RTN4R: variants seen among roughly 807,000 people sequenced by gnomAD.
RTN4R encodes reticulon 4 receptor.
A neutral mutation model predicts 27.7 loss-of-function variants in RTN4R; 4 were observed. The ratio of observed to expected loss-of-function variants is 0.14; its 90% CI spans 0.07 to 0.33. The LOEUF (loss-of-function observed/expected upper bound fraction) is 0.33. RTN4R is among the 10% of genes least tolerant of loss of function. RTN4R has a pLI of 1.00. For missense variants in RTN4R, 554 were observed against 671.5 expected, an observed-to-expected ratio of 0.83 and a Z score of 1.93; for synonymous variants, 290 against 305.6, an observed-to-expected ratio of 0.95 and a Z score of 0.53.
At chr22:20,261,064 G>A (rs560502578) in intron 1 of RTN4R, among the ~76,000 whole-genome samples, 25 of 152,298 alleles carry the variant, frequency 1.6e-4, no homozygotes, top group Non-Finnish European at 1.0e-4. Flanking sequence ...GGACCCTCAC[G>A]GCAGAAGGAC....
chr22:20,259,062 T>TGGAGTCCCTGGCTATGAC (rs922099959), intron 1 of RTN4R, among the ~76,000 whole-genome samples: 3 of 152,130 alleles, frequency 2.0e-5, no homozygotes, highest in African/African-American at 7.2e-5. Flanking sequence ...CACTTGTCCC[T>TGGAGTCCCTGGCTATGAC]GGAGTCCCTG....
At position 20,242,590 on chromosome 22, in the gene RTN4R, T is replaced by G. The variant is rs1452295510; in HGVS notation, c.543A>C (p.Thr181=). The G allele has an allele frequency of 6.2e-7, 1 of 1,602,094 alleles. No homozygotes were observed. Residue 181 remains threonine (T), a synonymous_variant, in exon 2 of 2, where the codon ACA becomes ACC. Transcript: ENST00000043402. ...TGCGGTTGCCGTGCAGGAAGAGGTGTGTGAGGTTGCCCAGGTCGCGGAAGG... is the reference window on the plus strand; with the variant it reads ...TGCGGTTGCCGTGCAGGAAGAGGTGGGTGAGGTTGCCCAGGTCGCGGAAGG... ...DDTFRDLGNL[T]HLFLHGNRIS...
At chr22:20,264,327 C>T (rs148274245) in intron 1 of RTN4R, among the ~76,000 whole-genome samples, 9 of 152,172 alleles carry the variant, frequency 5.9e-5, no homozygotes, top group South Asian at 4.1e-4. Context: ...TAAAATACAG[C>T]GATAAAAGAA....
intron 1 of RTN4R, among the ~76,000 whole-genome samples, chr22:20,256,001 TC>T (rs2051210187): frequency 2.0e-5 from 3 of 152,262 alleles, no homozygotes; most frequent in Non-Finnish European, 4.4e-5. Context: ...TGATAACTCT[TC>T]CTTATTTGAA....
At chr22:20,249,596 G>C (rs191109941) in intron 1 of RTN4R, among the ~76,000 whole-genome samples, 1 of 152,160 alleles carries the variant, frequency 6.6e-6, no homozygotes, top group South Asian at 2.1e-4. Context: ...CGTGCATACC[G>C]GAAACACACA....
chr22:20,262,752 C>T (rs1197650075), intron 1 of RTN4R, among the ~76,000 whole-genome samples: 2 of 152,226 alleles, frequency 1.3e-5, no homozygotes, highest in Non-Finnish European at 2.9e-5. Flanking sequence ...CTACGGTGAC[C>T]AGGAAGGGTG....
chr22:20,253,271 G>A (rs1003976361), intron 1 of RTN4R, among the ~76,000 whole-genome samples: 1 of 152,214 alleles, frequency 6.6e-6, no homozygotes, highest in Non-Finnish European at 1.5e-5. Flanking sequence ...GGACAGGCCT[G>A]GTGCAGCCTG....
rs757507039 is a variant in RTN4R at position 20,242,147 on chromosome 22, G to A, written c.986C>T (p.Pro329Leu). 112 of 1,612,112 alleles carry A rather than the reference G, an allele frequency of 6.9e-5. No homozygotes were observed. The highest frequency in any genetic ancestry group is 8.4e-5 in the Non-Finnish European group (99 of 1,179,682). Residue 329 changes from proline (P) to leucine (L), a missense_variant, in exon 2 of 2, where the codon CCG becomes CTG. This residue lies in a region of RTN4R where 413 missense variants were observed against 542.3 expected (regional missense o/e 0.76). Coordinates refer to ENST00000043402, the MANE Select transcript of RTN4R (RefSeq NM_023004.6). Reference protein sequence around the residue: ...IWTGRATDEEPLGLPKCCQPD... With the variant: ...IWTGRATDEELLGLPKCCQPD... Reference sequence around the variant, plus strand: ...CTGGCAGCACTTGGGAAGCCCCAGCGGCTCCTCATCGGTGGCCCTGCCGGT... The same window carrying A: ...CTGGCAGCACTTGGGAAGCCCCAGCAGCTCCTCATCGGTGGCCCTGCCGGT...
intron 1 of RTN4R, among the ~76,000 whole-genome samples, chr22:20,262,658 G>A (rs1280990644): frequency 2.0e-5 from 3 of 152,172 alleles, no homozygotes; most frequent in Non-Finnish European, 4.4e-5. Flanking sequence ...CCCACACACT[G>A]AGGACTCTAG....
chr22:20,250,530 G>C (rs1349265263), intron 1 of RTN4R, among the ~76,000 whole-genome samples: 1 of 152,202 alleles, frequency 6.6e-6, no homozygotes, highest in African/African-American at 2.4e-5. Context: ...GAAACCAAGG[G>C]TCAGAGAAGA....
intron 1 of RTN4R, among the ~76,000 whole-genome samples, chr22:20,261,565 C>A (rs940067237): frequency 7.2e-5 from 11 of 152,198 alleles, no homozygotes; most frequent in Non-Finnish European, 1.5e-4. Flanking sequence ...ACAGAGCAAC[C>A]CTTGTGCAGC....
At chr22:20,257,192 C>T (rs2051216956) in intron 1 of RTN4R, among the ~76,000 whole-genome samples, 3 of 152,352 alleles carry the variant, frequency 2.0e-5, no homozygotes, top group South Asian at 2.1e-4. Flanking sequence ...CATGAGGCAA[C>T]GGATGTTCCT....
At chr22:20,267,661 G>T in intron 1 of RTN4R, 1 of 465,770 alleles carries the variant, frequency 2.1e-6, no homozygotes, top group Non-Finnish European at 4.4e-6. Context: ...GGTGGAGGCG[G>T]CCCGACACCC....
In RTN4R at chr22:20,255,236, A is replaced by G. The variant is rs2051205405; in HGVS notation, c.23-12126T>C. On this transcript the variant is annotated intron_variant, in intron 1 of 1. Transcript: ENST00000043402. The surrounding 1 kb of genome is among the most constrained non-coding windows in gnomAD (Gnocchi z 4.8). ...TGTTATTATTTTTTAAAACAACTGC[A>G]TATGTGGCACTAAAATCTCAGAAAA... is the stretch of plus-strand genomic sequence containing the variant. Among the ~76,000 whole-genome samples the G allele has an allele frequency of 6.6e-6, 1 of 152,252 alleles. No individual in the cohort carries two copies.
At chr22:20,253,072 C>T (rs1260178198) in intron 1 of RTN4R, among the ~76,000 whole-genome samples, 2 of 152,188 alleles carry the variant, frequency 1.3e-5, no homozygotes, top group African/African-American at 2.4e-5. Context: ...TCTGCTCCAG[C>T]GGTCTTGCAA....
At chr22:20,266,734 T>C (rs1349887908) in intron 1 of RTN4R, among the ~76,000 whole-genome samples, 1 of 151,926 alleles carries the variant, frequency 6.6e-6, no homozygotes, top group African/African-American at 2.4e-5. Flanking sequence ...CAACACACAT[T>C]CCAGGGCCTC....
At chr22:20,247,188 G>A (rs894191605) in intron 1 of RTN4R, among the ~76,000 whole-genome samples, 1 of 152,040 alleles carries the variant, frequency 6.6e-6, no homozygotes, top group East Asian at 1.9e-4. Context: ...CAGGGCTGGG[G>A]TAAGAGGCTG....
At chr22:20,248,695 T>C (rs1269779006) in intron 1 of RTN4R, among the ~76,000 whole-genome samples, 1 of 152,086 alleles carries the variant, frequency 6.6e-6, no homozygotes, top group African/African-American at 2.4e-5. Flanking sequence ...GCCACCCTGC[T>C]GCATGGCAGG....
At chr22:20,244,187 C>T (rs996863288) in intron 1 of RTN4R, among the ~76,000 whole-genome samples, 4 of 152,250 alleles carry the variant, frequency 2.6e-5, no homozygotes, top group Admixed American at 2.0e-4. Flanking sequence ...CAGCTAACAC[C>T]TTCCACGGCA....
Sources: allele counts gnomAD v4.1 joint callset (sites outside exome capture counted in the v4.1 genomes callset), GRCh38; gene constraint gnomAD v4.1.1; regional missense constraint gnomAD v4.1.1; non-coding constraint Gnocchi (gnomAD v3.1); transcripts MANE v1.5; gene names NCBI Gene and HGNC (gene_info 2026-07-23, HGNC 2026-07-21).